The following SLIT3 variants were observed in gnomAD, a reference collection of about 807,000 sequenced individuals.
SLIT3 encodes the protein slit homolog 3 protein.
In SLIT3, 68 loss-of-function variants were observed where a neutral mutation model predicts 184.0. That is an observed-to-expected ratio of 0.37 (90% confidence interval 0.30 to 0.45). SLIT3 has a LOEUF of 0.45. SLIT3 is among the 20% of genes least tolerant of loss of function. The probability of loss-of-function intolerance (pLI) is 1.00; values close to 1 mark genes in which losing one functional copy is unlikely to be tolerated. For missense variants in SLIT3, 1,707 were observed against 2,026.0 expected (o/e 0.84, Z 3.02); for synonymous variants, 831 against 828.6 (o/e 1.00, Z -0.05).
chr5:168,804,447 C>T (rs538112071), intron 9 of SLIT3, among the ~76,000 whole-genome samples: 3 of 151,358 alleles, frequency 2.0e-5, no homozygotes, highest in East Asian at 1.9e-4. Flanking sequence ...GTTGGAAGGC[C>T]GTAGGAGGAG....
chr5:169,259,080 C>CT lies in SLIT3; in HGVS notation c.198-7622dup, dbSNP rs911539726. On this transcript the variant is annotated intron_variant, in intron 1 of 35. Transcript: ENST00000519560. ...ACCATGAGGCTCAATTGAGAAAGTACTTTTTTTTTGGAGACAGAGTCTTGC... is the reference window on the plus strand; with the variant it reads ...ACCATGAGGCTCAATTGAGAAAGTACTTTTTTTTTTGGAGACAGAGTCTTGC... Among the ~76,000 whole-genome samples, 78 of 151,728 alleles carry CT rather than the reference C, an allele frequency of 5.1e-4. 1 individual carries two copies. The South Asian group carries it at 9.6e-3, about 19-fold the overall frequency.
intron 4 of SLIT3, among the ~76,000 whole-genome samples, chr5:169,016,241 G>T (rs1018461086): frequency 1.3e-5 from 2 of 152,124 alleles, no homozygotes; most frequent in Non-Finnish European, 1.5e-5. Flanking sequence ...GCAAGCAAAG[G>T]TCTCCTGGTT....
intron 2 of SLIT3, among the ~76,000 whole-genome samples, chr5:169,250,254 T>C (rs1437224174): frequency 6.6e-6 from 1 of 152,210 alleles, no homozygotes; most frequent in South Asian, 2.1e-4. Context: ...CATGAAAGTA[T>C]CATATCCATC....
In SLIT3 at chr5:168,744,246, G is replaced by A. The variant is rs1297168418; in HGVS notation, c.2270+4056C>T. Among the ~76,000 whole-genome samples, 21 of 152,172 alleles carry A rather than the reference G, an allele frequency of 1.4e-4. 1 individual carries two copies. In the South Asian group the frequency reaches 2.1e-3, roughly 15 times the overall value. On this transcript the variant is annotated intron_variant, in intron 20 of 35. Transcript: ENST00000519560. ...GGAGCTTGCAGTGAGCCGAGATTGC[G>A]CCACGGCACTCCAGCCTGGGTGAAA...
chr5:169,230,970 C>A (rs952666192), intron 3 of SLIT3, among the ~76,000 whole-genome samples: 7 of 152,230 alleles, frequency 4.6e-5, no homozygotes, highest in African/African-American at 1.7e-4. Flanking sequence ...CATTTTGCTA[C>A]ATTTGTTTTA....
At chr5:168,738,281 C>G (rs746592687) in intron 20 of SLIT3, among the ~76,000 whole-genome samples, 1 of 152,180 alleles carries the variant, frequency 6.6e-6, no homozygotes, top group Non-Finnish European at 1.5e-5. Flanking sequence ...ATCAGGACAT[C>G]GCTACCAAAT....
rs972326057 is a variant in SLIT3, at chr5:169,300,383, G to T, written c.197+130C>A. The stretch of plus-strand genomic sequence containing the variant: ...CCCCCAGCTCGGAGAGTGAGGGATC[G>T]TATCCAGGAAGGGATGAGAATAGAG... On this transcript the variant is annotated intron_variant, in intron 1 of 35. Transcript: ENST00000519560. This position sits in a 1 kb window ranked among gnomAD's most constrained non-coding sequence, Gnocchi z 4.1. 2 of 1,181,716 alleles carry T rather than the reference G, an allele frequency of 1.7e-6. No homozygotes were observed. The highest frequency in any genetic ancestry group is 2.2e-6 in the Non-Finnish European group (2 of 910,400). The allele number at this position is 1,181,716 out of a possible 1,614,324, so 73.2% of individuals were successfully genotyped here.
chr5:168,829,911 G>C (rs1415691976), intron 6 of SLIT3, among the ~76,000 whole-genome samples: 3 of 152,200 alleles, frequency 2.0e-5, no homozygotes, highest in Non-Finnish European at 4.4e-5. Flanking sequence ...GGCAGGGCAA[G>C]AGGAATGAAA....
intron 4 of SLIT3, among the ~76,000 whole-genome samples, chr5:168,993,885 A>G (rs1011106666): frequency 5.3e-5 from 8 of 152,252 alleles, no homozygotes; most frequent in African/African-American, 1.9e-4. Context: ...TTATAACATA[A>G]TACAAACAAA....
chr5:168,776,266 G>A (rs576725093), intron 12 of SLIT3, among the ~76,000 whole-genome samples: 25 of 152,272 alleles, frequency 1.6e-4, no homozygotes, highest in South Asian at 8.3e-4. Context: ...TGCACCCCGC[G>A]TGCAGGCAAG....
intron 4 of SLIT3, among the ~76,000 whole-genome samples, chr5:169,047,206 G>A (rs548570633): frequency 2.8e-4 from 43 of 152,008 alleles, no homozygotes; most frequent in Non-Finnish European, 5.7e-4. Flanking sequence ...CCACCTTCTC[G>A]AGCCTCCTCT....
At chr5:168,812,683 T>G (rs904012663) in intron 8 of SLIT3, among the ~76,000 whole-genome samples, 2 of 152,194 alleles carry the variant, frequency 1.3e-5, no homozygotes, top group African/African-American at 4.8e-5. Context: ...GCGATGACAA[T>G]GGGACTCGAG....
At chr5:169,216,021 A>G (rs1318219886) in intron 3 of SLIT3, among the ~76,000 whole-genome samples, 1 of 152,186 alleles carries the variant, frequency 6.6e-6, no homozygotes, top group Non-Finnish European at 1.5e-5. Flanking sequence ...ACATAGGAAG[A>G]AATCTTAGAG....
chr5:169,172,368 C>T (rs1291153589), intron 4 of SLIT3, among the ~76,000 whole-genome samples: 1 of 152,180 alleles, frequency 6.6e-6, no homozygotes, highest in Non-Finnish European at 1.5e-5. Context: ...TAACACCAGT[C>T]CTATAAAGCT....
In SLIT3 at chr5:169,153,120, C is replaced by T. The variant is rs1231814899; in HGVS notation, c.413+40359G>A. ...CTGGATAAGACATCACTTCGGCTGA[C>T]GTGGGCCAGGTTCAGAATGCACAGC... On this transcript the variant is annotated intron_variant, in intron 4 of 35. Coordinates refer to ENST00000519560, the MANE Select transcript of SLIT3 (RefSeq NM_003062.4). Among the ~76,000 whole-genome samples the T allele has an allele frequency of 2.0e-5, 3 of 152,204 alleles. No individual in the cohort carries two copies. The East Asian group carries it at 5.8e-4, about 29-fold the overall frequency.
At chr5:169,014,488 T>C (rs763239471) in intron 4 of SLIT3, among the ~76,000 whole-genome samples, 12 of 152,112 alleles carry the variant, frequency 7.9e-5, no homozygotes, top group Non-Finnish European at 1.8e-4. Flanking sequence ...AAGCCTAGGA[T>C]AGACTTAGAC....
chr5:168,996,185 C>A (rs1484071548), intron 4 of SLIT3, among the ~76,000 whole-genome samples: 3 of 152,116 alleles, frequency 2.0e-5, no homozygotes, highest in South Asian at 2.1e-4. Context: ...TGAAGGGAGG[C>A]CTTTGCCCTT....
At position 168,897,646 on chromosome 5, in the gene SLIT3, G is replaced by GCGCGCGCACACACACACACACACA; in HGVS notation, c.414-14311_414-14310insTGTGTGTGTGTGTGTGTGCGCGCG. 2.4e-3 allele frequency among the ~76,000 whole-genome samples: 254 copies of GCGCGCGCACACACACACACACACA among 105,430 alleles called. 1 individual carries two copies. The highest frequency in any genetic ancestry group is 9.8e-3 in the African/African-American group (234 of 23,802). The allele number at this position is 105,430 out of a possible 152,430, so 69.2% of individuals were successfully genotyped here. On this transcript the variant is annotated intron_variant, in intron 4 of 35. Transcript: ENST00000519560. Reference sequence around the variant, plus strand: ...AGAAAGAGGATGGAGACAGGTGCACGTACACACACACACACACACACACAC... The same window carrying GCGCGCGCACACACACACACACACA: ...AGAAAGAGGATGGAGACAGGTGCACGCGCGCGCACACACACACACACACATACACACACACACACACACACACAC...
intron 4 of SLIT3, among the ~76,000 whole-genome samples, chr5:168,977,241 C>A (rs1441703732): frequency 6.6e-6 from 1 of 152,098 alleles, no homozygotes; most frequent in African/African-American, 2.4e-5. Context: ...GGGAAGGAGG[C>A]AAGAGAAGAG....
Sources: gnomAD v4.1 joint callset for allele counts (sites outside exome capture counted in the v4.1 genomes callset) on GRCh38, gnomAD v4.1.1 for gene constraint, Gnocchi (gnomAD v3.1) non-coding constraint, MANE v1.5 for transcripts, NCBI Gene and HGNC (gene_info 2026-07-23, HGNC 2026-07-21) for gene names.